Variants in FBXL20 observed in about 807,000 individuals in gnomAD.
The protein encoded by FBXL20 is F-box and leucine rich repeat protein 20, also known as F-box/LRR-repeat protein 20.
In FBXL20, 11 loss-of-function variants were observed where a neutral mutation model predicts 64.0. The ratio of observed to expected loss-of-function variants is 0.17; its 90% CI spans 0.11 to 0.28. FBXL20 has a LOEUF of 0.28. FBXL20 is among the 10% of genes least tolerant of loss of function. The pLI, the probability that FBXL20 is intolerant of heterozygous loss-of-function variation, is 1.00. For missense variants in FBXL20, 303 were observed against 526.2 expected, an observed-to-expected ratio of 0.58 and a Z score of 4.15; for synonymous variants, 184 against 189.0, an observed-to-expected ratio of 0.97 and a Z score of 0.22.
intron 1 of FBXL20, among the ~76,000 whole-genome samples, chr17:39,383,311 A>G (rs897106416): frequency 1.3e-5 from 2 of 152,170 alleles, no homozygotes; most frequent in Non-Finnish European, 2.9e-5. Flanking sequence ...ACACACATAC[A>G]CAGACGCACA....
intron 9 of FBXL20, among the ~76,000 whole-genome samples, chr17:39,276,930 A>G (rs188662851): frequency 1.3e-5 from 2 of 152,282 alleles, no homozygotes; most frequent in Non-Finnish European, 2.9e-5. Flanking sequence ...AACTCCCGTA[A>G]ACAAAAAAAA....
rs191199624 is a variant in FBXL20, at chr17:39,263,208, T to C, written c.1203+967A>G. Among the ~76,000 whole-genome samples, 959 of 150,806 alleles carry C rather than the reference T, an allele frequency of 6.4e-3. 16 individuals carry two copies. The highest frequency in any genetic ancestry group is 0.022 in the African/African-American group (918 of 41,058). The stretch of plus-strand genomic sequence containing the variant: ...CTAGCCTGGGAAACATAGCAAGACC[T>C]TGTCTCCACAAAATAGTTTTTTAAG... On this transcript the variant is annotated intron_variant, in intron 14 of 14. Transcript: ENST00000264658.
intron 2 of FBXL20, among the ~76,000 whole-genome samples, chr17:39,308,992 T>C (rs1343632371): frequency 1.3e-5 from 2 of 152,206 alleles, no homozygotes; most frequent in African/African-American, 4.8e-5. Flanking sequence ...CCACCACGCC[T>C]GACTAATTTT....
chr17:39,268,796 TG>T, intron 12 of FBXL20, 30 bp downstream of exon 12: 1 of 1,587,848 alleles, frequency 6.3e-7, no homozygotes, highest in East Asian at 2.2e-5. Context: ...TCTACTATAC[TG>T]TATTTCTGAA....
rs555411432 is a variant in FBXL20, at chr17:39,321,182, G to A, written c.105-17543C>T. The stretch of plus-strand genomic sequence containing the variant: ...TAAAACTAATCAGTCAGCCAGGAAC[G>A]GTGGCTCACGCTTGTAATCCCAGCA... On this transcript the variant is annotated intron_variant, in intron 2 of 14. Transcript: ENST00000264658. Among the ~76,000 whole-genome samples the A allele has an allele frequency of 6.6e-5, 10 of 152,174 alleles. No homozygotes were observed. The South Asian group carries it at 1.9e-3, about 28-fold the overall frequency.
chr17:39,281,294 T>C, intron 9 of FBXL20, 95 bp downstream of exon 9: 1 of 1,107,238 alleles, frequency 9.0e-7, no homozygotes, highest in East Asian at 2.5e-5. Flanking sequence ...AGAAAAACAA[T>C]ACTGGTCTTG....
At position 39,335,526 on chromosome 17, in the gene FBXL20, T is replaced by G. The variant is rs1297608028; in HGVS notation, c.104+7654A>C. 2.2e-5 allele frequency among the ~76,000 whole-genome samples: 3 copies of G among 135,642 alleles called. 1 individual carries two copies. Among genetic ancestry groups the G allele is most frequent in the Non-Finnish European group, 4.5e-5 (3 of 66,194 alleles). 89.0% of individuals were successfully genotyped at this position (135,642 alleles called of 152,430 possible). A position where few individuals can be genotyped will look rare whatever the true frequency, so the allele number is the denominator to read the frequency against. The stretch of plus-strand genomic sequence containing the variant: ...TGAACCCAGGAGGCGGAGGTTGCAG[T>G]GAGCCGAGATCATGCCACTGCACTC... On this transcript the variant is annotated intron_variant, in intron 2 of 14. Transcript: ENST00000264658.
At chr17:39,319,546 G>A (rs1277990424) in intron 2 of FBXL20, among the ~76,000 whole-genome samples, 1 of 151,886 alleles carries the variant, frequency 6.6e-6, no homozygotes, top group Non-Finnish European at 1.5e-5. Context: ...TTAGCTGGGC[G>A]TGGTGGTAGG....
At chr17:39,363,962 T>A (rs1397855899) in intron 1 of FBXL20, among the ~76,000 whole-genome samples, 1 of 135,618 alleles carries the variant, frequency 7.4e-6, no homozygotes, top group Non-Finnish European at 1.5e-5. Context: ...CGATCTCAGC[T>A]CGCTGCAACT....
intron 2 of FBXL20, among the ~76,000 whole-genome samples, chr17:39,337,221 C>T (rs1018408666): frequency 9.9e-5 from 15 of 152,222 alleles, no homozygotes; most frequent in African/African-American, 2.4e-4. Context: ...CTCCTAACCA[C>T]GAGTGATCCG....
At chr17:39,331,768 T>C (rs1372199762) in intron 2 of FBXL20, among the ~76,000 whole-genome samples, 1 of 152,226 alleles carries the variant, frequency 6.6e-6, no homozygotes, top group South Asian at 2.1e-4. Context: ...TCATCCCACA[T>C]AGAGAAACTC....
rs1385483851 is a variant in FBXL20, at chr17:39,381,815, G to T, written c.42+19546C>A. On this transcript the variant is annotated intron_variant, in intron 1 of 14. Transcript: ENST00000264658. ...CTGAAGGGAAAAAAAAAAAAAAAAA[G>T]GCCGGGCACAGTGGCTCATGCCTGT... 2.1e-5 allele frequency among the ~76,000 whole-genome samples: 3 copies of T among 145,858 alleles called. No homozygotes were observed. The South Asian group carries it at 6.5e-4, about 32-fold the overall frequency.
chr17:39,305,056 C>A (rs1424965553), intron 2 of FBXL20, among the ~76,000 whole-genome samples: 1 of 152,016 alleles, frequency 6.6e-6, no homozygotes, highest in African/African-American at 2.4e-5. Flanking sequence ...CCACACCCAG[C>A]CCCTGCTGGG....
intron 1 of FBXL20, among the ~76,000 whole-genome samples, chr17:39,387,857 CG>C (rs1223638944): frequency 2.6e-5 from 4 of 152,064 alleles, no homozygotes; most frequent in Non-Finnish European, 2.9e-5. Context: ...GGGTTACAGG[CG>C]TGAGTGACCG....
At chr17:39,295,274 G>GT (rs1390311575) in intron 6 of FBXL20, among the ~76,000 whole-genome samples, 2 of 152,108 alleles carry the variant, frequency 1.3e-5, no homozygotes, top group Non-Finnish European at 2.9e-5. Flanking sequence ...GGTTCAAGGG[G>GT]TTTTTTCTTT....
At chr17:39,395,913 G>C (rs576302919) in intron 1 of FBXL20, among the ~76,000 whole-genome samples, 51 of 152,028 alleles carry the variant, frequency 3.4e-4, no homozygotes, top group Non-Finnish European at 1.6e-4. Context: ...TAGCAGAAGA[G>C]AGCGTTCCAT....
At chr17:39,269,900 G>A (rs1334160436) in intron 11 of FBXL20, among the ~76,000 whole-genome samples, 2 of 152,210 alleles carry the variant, frequency 1.3e-5, no homozygotes, top group African/African-American at 2.4e-5. Flanking sequence ...ACAGGCATGA[G>A]CCACTGCACC....
chr17:39,305,182 A>G (rs1030236153), intron 2 of FBXL20, among the ~76,000 whole-genome samples: 3 of 152,260 alleles, frequency 2.0e-5, no homozygotes, highest in African/African-American at 7.2e-5. Context: ...GAAACAAAAT[A>G]TAAATTAAAA....
At chr17:39,297,060 A>C in intron 6 of FBXL20, 67 bp downstream of exon 6, 1 of 1,131,260 alleles carries the variant, frequency 8.8e-7, no homozygotes, top group Non-Finnish European at 1.3e-6. Flanking sequence ...TAATGGCCTG[A>C]ATTTAAGGTT....
Sources: gnomAD v4.1 joint callset for allele counts (sites outside exome capture counted in the v4.1 genomes callset) on GRCh38, gnomAD v4.1.1 for gene constraint, MANE v1.5 for transcripts, NCBI Gene and HGNC (gene_info 2026-07-23, HGNC 2026-07-21) for gene names.